TIAM1: variants seen among roughly 807,000 people sequenced by gnomAD.
TIAM1 encodes TIAM Rac1 associated GEF 1.
Under a neutral mutation model 163.5 loss-of-function variants are expected in TIAM1, and 65 were observed. The observed-to-expected ratio is 0.40, with a 90% CI of 0.33 to 0.49. TIAM1 has a LOEUF of 0.49. TIAM1 is among the 20% of genes least tolerant of loss of function. The probability of loss-of-function intolerance (pLI) is 0.77; values close to 1 mark genes in which losing one functional copy is unlikely to be tolerated. For synonymous variants in TIAM1, 833 were observed against 810.1 expected, an observed-to-expected ratio of 1.03 and a Z score of -0.48; for missense variants, 1,789 against 2,044.7, an observed-to-expected ratio of 0.87 and a Z score of 2.41.
intron 14 of TIAM1, 99 bp from the exon 15 acceptor site, chr21:31,182,744 A>C: frequency 4.8e-6 from 6 of 1,245,838 alleles, no homozygotes; most frequent in Non-Finnish European, 6.6e-6. Flanking sequence ...TGTGGGTCTC[A>C]CAGCCCCAGG....
intron 2 of TIAM1, among the ~76,000 whole-genome samples, chr21:31,456,466 G>T (rs983919005): frequency 1.3e-5 from 2 of 152,254 alleles, no homozygotes; most frequent in African/African-American, 2.4e-5. Flanking sequence ...GCCTTTGCCA[G>T]GGAAACTGGG....
chr21:31,335,716 A>G (rs28728332), intron 2 of TIAM1, among the ~76,000 whole-genome samples: 1 of 148,360 alleles, frequency 6.7e-6, no homozygotes, highest in Non-Finnish European at 1.5e-5. Context: ...AAAAAAAAAG[A>G]AAAAAGAAAG....
chr21:31,372,100 G>A (rs749316473), intron 2 of TIAM1, among the ~76,000 whole-genome samples: 23 of 152,176 alleles, frequency 1.5e-4, no homozygotes, highest in Non-Finnish European at 2.5e-4. Context: ...TCCCCAACGC[G>A]GAAGGCTCAT....
intron 15 of TIAM1, among the ~76,000 whole-genome samples, chr21:31,181,682 G>A (rs116283875): frequency 0.016 from 2,250 of 144,676 alleles, 62 homozygotes; most frequent in African/African-American, 0.054. Context: ...GATGACGATA[G>A]AGAAGGCAGG....
intron 2 of TIAM1, among the ~76,000 whole-genome samples, chr21:31,426,086 T>C (rs771255271): frequency 1.6e-4 from 24 of 152,084 alleles, no homozygotes; most frequent in Non-Finnish European, 3.1e-4. Context: ...GATAAGTCCT[T>C]TAGTGGTGAT....
At chr21:31,264,938 C>T (rs190986605) in intron 4 of TIAM1, among the ~76,000 whole-genome samples, 4 of 152,268 alleles carry the variant, frequency 2.6e-5, no homozygotes, top group Admixed American at 1.3e-4. Context: ...GCCAAGACTC[C>T]CTGAACTCTG....
intron 1 of TIAM1, among the ~76,000 whole-genome samples, chr21:31,477,814 G>A (rs1410585834): frequency 6.6e-6 from 1 of 152,136 alleles, no homozygotes; most frequent in East Asian, 1.9e-4. Flanking sequence ...AGGAAGGAAG[G>A]CAGCATGTTG....
rs188565841 is a variant in TIAM1, at chr21:31,325,820, G to A, written c.-189+13423C>T. On this transcript the variant is annotated intron_variant, in intron 2 of 27. Coordinates refer to ENST00000541036, the MANE Select transcript of TIAM1 (RefSeq NM_001353694.2). ...ATCAGTGAGTTAAGAGGTGTCACAC[G>A]GAGGGGGCATTGAAGAACCCACACT... Among the ~76,000 whole-genome samples, 441 of 152,244 alleles carry A rather than the reference G, an allele frequency of 2.9e-3. 1 individual carries two copies. The highest frequency in any genetic ancestry group is 0.01 in the African/African-American group (429 of 41,546).
chr21:31,533,909 G>C (rs2048046101), intron 1 of TIAM1, among the ~76,000 whole-genome samples: 1 of 152,184 alleles, frequency 6.6e-6, no homozygotes. Context: ...GCGGACAGGA[G>C]GGAATAGGGT....
intron 4 of TIAM1, among the ~76,000 whole-genome samples, chr21:31,254,681 C>CAG (rs958752648): frequency 2.2e-4 from 33 of 151,852 alleles, no homozygotes; most frequent in African/African-American, 5.1e-4. Flanking sequence ...GCCTGGGCAA[C>CAG]AGAGAGAGAG....
chr21:31,274,525 T>C (rs1000518625), intron 3 of TIAM1, among the ~76,000 whole-genome samples: 1 of 152,200 alleles, frequency 6.6e-6, no homozygotes, highest in Middle Eastern at 3.2e-3. Context: ...GGATGTCTAA[T>C]GCCCTCAATT....
At chr21:31,149,918 A>T (rs2083299090) in intron 19 of TIAM1, among the ~76,000 whole-genome samples, 1 of 152,206 alleles carries the variant, frequency 6.6e-6, no homozygotes, top group African/African-American at 2.4e-5. Flanking sequence ...TTAGGGTGAA[A>T]GATATATTAT....
chr21:31,557,855 C>A (rs1208866510), intron 1 of TIAM1, among the ~76,000 whole-genome samples: 1 of 152,136 alleles, frequency 6.6e-6, no homozygotes. Context: ...GTGAGTGTGG[C>A]CGAGTCGGCG....
At chr21:31,192,775 T>C (rs760534789) in intron 13 of TIAM1, among the ~76,000 whole-genome samples, 6 of 152,108 alleles carry the variant, frequency 3.9e-5, no homozygotes, top group Non-Finnish European at 8.8e-5. Flanking sequence ...TGTGACTTGC[T>C]TTGGCCAATG....
chr21:31,177,545 T>G (rs1315037810), intron 15 of TIAM1, among the ~76,000 whole-genome samples: 1 of 152,208 alleles, frequency 6.6e-6, no homozygotes, highest in Admixed American at 6.5e-5. Flanking sequence ...AGGCAGAGGT[T>G]GCAGTGAGCC....
intron 4 of TIAM1, among the ~76,000 whole-genome samples, chr21:31,263,047 C>T (rs1353515186): frequency 1.3e-5 from 2 of 152,114 alleles, no homozygotes; most frequent in South Asian, 2.1e-4. Context: ...CAAGAAATAG[C>T]GTTGGATGAA....
At chr21:31,332,602 A>T (rs778971571) in intron 2 of TIAM1, among the ~76,000 whole-genome samples, 2 of 152,076 alleles carry the variant, frequency 1.3e-5, no homozygotes. Context: ...CACTCAAAAA[A>T]ACTTTTTTTT....
intron 9 of TIAM1, among the ~76,000 whole-genome samples, chr21:31,216,550 C>T (rs1046508489): frequency 4.6e-5 from 7 of 152,276 alleles, no homozygotes; most frequent in African/African-American, 1.4e-4. Context: ...CAAAGCCGAA[C>T]GACAAGGAAG....
intron 16 of TIAM1, 86 bp downstream of exon 16, chr21:31,164,875 TA>T: frequency 7.3e-7 from 1 of 1,363,230 alleles, no homozygotes. Context: ...AGAGGCCTGG[TA>T]ACCACATACA....
Sources: gnomAD v4.1 joint callset for allele counts (sites outside exome capture counted in the v4.1 genomes callset) on GRCh38, gnomAD v4.1.1 for gene constraint, MANE v1.5 for transcripts, NCBI Gene and HGNC (gene_info 2026-07-23, HGNC 2026-07-21) for gene names.